The following HNRNPA3 variants were observed in gnomAD, a reference collection of about 807,000 sequenced individuals.
HNRNPA3 encodes the protein epididymis secretory sperm binding protein.
In HNRNPA3, 3 loss-of-function variants were observed where a neutral mutation model predicts 45.8. The ratio of observed to expected loss-of-function variants is 0.07; its 90% confidence interval spans 0.03 to 0.17. HNRNPA3 has a LOEUF of 0.17. Ranked by LOEUF, HNRNPA3 falls within the 10% of genes least tolerant of loss-of-function variation. The pLI, the probability that HNRNPA3 is intolerant of heterozygous loss-of-function variation, is 1.00. For missense variants in HNRNPA3, 183 were observed against 480.3 expected, an observed-to-expected ratio of 0.38 and a Z score of 5.79; for synonymous variants, 170 against 155.6, an observed-to-expected ratio of 1.09 and a Z score of -0.69.
At chr2:177,219,290 A>G (rs1689089364) in exon 10 of HNRNPA3, 1 of 1,613,302 alleles carries the variant, frequency 6.2e-7, no homozygotes, top group Non-Finnish European at 8.5e-7. Context: ...ATGGTAGCAG[A>G]AGGTTCTAAA....
chr2:177,214,237 A>T (rs115850389), intron 1 of HNRNPA3, among the ~76,000 whole-genome samples: 3 of 152,274 alleles, frequency 2.0e-5, no homozygotes, highest in African/African-American at 7.2e-5. Context: ...TTATAGTCAG[A>T]CAATACATAC....
intron 1 of HNRNPA3, among the ~76,000 whole-genome samples, 192 bp from the exon 2 acceptor site, chr2:177,215,347 G>A (rs1235585810): frequency 6.6e-6 from 1 of 152,068 alleles, no homozygotes; most frequent in African/African-American, 2.4e-5. Flanking sequence ...CATCTGCCTC[G>A]GCCTCCCAAA....
chr2:177,213,334 C>A (rs1288020461), intron 1 of HNRNPA3, among the ~76,000 whole-genome samples: 1 of 152,236 alleles, frequency 6.6e-6, no homozygotes, highest in East Asian at 1.9e-4. Context: ...CGCTCTGCCG[C>A]CGGGAAAGCG....
downstream of HNRNPA3, chr2:177,220,875 T>TA (rs1251337500): frequency 1.3e-5 from 2 of 152,638 alleles, no homozygotes; most frequent in African/African-American, 4.8e-5. Context: ...AGCTAGTGCT[T>TA]ACAGTTTCAT....
chr2:177,222,504 AAGGAACATTAAAAGTTACCAGGGCC>A (rs1486777246), downstream of HNRNPA3: 3 of 152,258 alleles, frequency 2.0e-5, no homozygotes, highest in Non-Finnish European at 4.4e-5. Context: ...AACACCTTCA[AAGGAACATTAAAAGTTACCAGGGCC>A]AGGCACAGTG....
chr2:177,219,180 A>G (rs137855785), intron 9 of HNRNPA3, 21 bp downstream of exon 9: 76 of 1,611,746 alleles, frequency 4.7e-5, no homozygotes, highest in East Asian at 6.7e-5. Flanking sequence ...TCTTAAATCA[A>G]TTCTTTAGAG....
At chr2:177,214,458 T>TTC (rs1688838547) in intron 1 of HNRNPA3, among the ~76,000 whole-genome samples, 1 of 152,224 alleles carries the variant, frequency 6.6e-6, no homozygotes, top group Admixed American at 6.5e-5. Context: ...TTCTGTAAGT[T>TTC]TGACATTCAG....
At chr2:177,221,492 TA>T (rs2105440261), downstream of HNRNPA3, 1 of 152,776 alleles carries the variant, frequency 6.5e-6, no homozygotes, top group East Asian at 1.9e-4. Context: ...CTGGAACTAG[TA>T]TTATAGTGAA....
At chr2:177,217,583 C>G (rs983649616) in intron 7 of HNRNPA3, 122 bp from the exon 8 acceptor site, 1 of 1,171,952 alleles carries the variant, frequency 8.5e-7, no homozygotes, top group Non-Finnish European at 1.3e-6. Context: ...GCTGTGGTTG[C>G]ACCACTGTAC....
At chr2:177,217,630 C>T (rs959403769) in intron 7 of HNRNPA3, 75 bp from the exon 8 acceptor site, 1 of 1,564,928 alleles carries the variant, frequency 6.4e-7, no homozygotes, top group Non-Finnish European at 8.8e-7. Flanking sequence ...CAGTCTCTTA[C>T]ACACACACCA....
At chr2:177,217,561 C>A (rs368179102) in intron 7 of HNRNPA3, 144 bp from the exon 8 acceptor site, 2 of 933,302 alleles carry the variant, frequency 2.1e-6, no homozygotes, top group Non-Finnish European at 1.7e-6. Flanking sequence ...CCCAGGAGTT[C>A]AAGGCTGCAT....
Position 177,217,641 on chromosome 2 carries a change from G to T in HNRNPA3, c.821-64G>T, listed in dbSNP as rs1388431948. ...GACCCAGTCTCTTACACACACACCA[G>T]AATTGAATAACGTGACTATACACTT... On this transcript the variant is annotated intron_variant, in intron 7 of 10. Coordinates refer to ENST00000392524, the Ensembl canonical transcript of HNRNPA3. The T allele has an allele frequency of 1.9e-6, 3 of 1,595,590 alleles. No homozygotes were observed. In the African/African-American group the frequency reaches 4.0e-5, roughly 21 times the overall value.
chr2:177,219,243 T>C lies in HNRNPA3; in HGVS notation c.1085-4T>C. 1 of 1,613,484 alleles carries C rather than the reference T, an allele frequency of 6.2e-7. No homozygotes were observed. Among genetic ancestry groups the C allele is most frequent in the Non-Finnish European group, 8.5e-7 (1 of 1,179,734 alleles). ...TTCTTTTAAAATACTATGTATATTT[T>C]CAGGTGGTTATGGATCTGGTGGTGG... On this transcript the variant is annotated splice_region_variant and splice_polypyrimidine_tract_variant and intron_variant, in intron 9 of 10. Coordinates refer to ENST00000392524, the Ensembl canonical transcript of HNRNPA3.
chr2:177,218,940 T>C (rs1689076147), intron 8 of HNRNPA3, 97 bp from the exon 9 acceptor site: 3 of 1,455,852 alleles, frequency 2.1e-6, no homozygotes, highest in Admixed American at 3.8e-5. Context: ...TGTATAAGCA[T>C]GCTACCATAA....
downstream of HNRNPA3, chr2:177,220,888 G>A (rs1418687791): frequency 6.6e-6 from 1 of 152,486 alleles, no homozygotes; most frequent in Non-Finnish European, 1.5e-5. Flanking sequence ...AGTTTCATTC[G>A]AGCCCTGAGT....
chr2:177,213,595 A>G (rs1688786841), intron 1 of HNRNPA3, among the ~76,000 whole-genome samples: 1 of 152,222 alleles, frequency 6.6e-6, no homozygotes, highest in African/African-American at 2.4e-5. Flanking sequence ...AAGTACTTAC[A>G]TTACACTTCT....
Position 177,216,900 on chromosome 2 carries a change from T to C in HNRNPA3, c.780T>C (p.Tyr260=), listed in dbSNP as rs201904941. 2.1e-5 allele frequency: 33 copies of C among 1,594,520 alleles called. No homozygotes were observed. The East Asian group carries it at 2.2e-4, about 11-fold the overall frequency. The change falls in exon 7 of 11, where the codon TAT becomes TAC. Residue 260 remains tyrosine, a synonymous_variant. Coordinates refer to ENST00000392524, the Ensembl canonical transcript of HNRNPA3. The stretch of plus-strand genomic sequence containing the variant: ...GAGGTGGTGGCAGCAGAGGTAGTTA[T>C]GGAGGAGGTGATGGTGGATATAATG...
intron 4 of HNRNPA3, 41 bp from the exon 5 acceptor site, chr2:177,216,462 T>C (rs374548071): frequency 4.6e-5 from 67 of 1,460,932 alleles, no homozygotes; most frequent in Middle Eastern, 1.7e-4. Flanking sequence ...TTTCCAAACA[T>C]AAAATAACTT....
downstream of HNRNPA3, chr2:177,221,143 C>CA (rs1201955946): frequency 6.6e-6 from 1 of 152,568 alleles, no homozygotes; most frequent in African/African-American, 2.4e-5. Context: ...ATAAATGTAA[C>CA]AGACATTCCA....
Sources: allele counts gnomAD v4.1 joint callset (sites outside exome capture counted in the v4.1 genomes callset), GRCh38; gene constraint gnomAD v4.1.1; transcripts MANE v1.5; gene names NCBI Gene and HGNC (gene_info 2026-07-23, HGNC 2026-07-21).